Variants in AGPS observed in about 807,000 individuals in gnomAD.
AGPS encodes the protein alkyldihydroxyacetonephosphate synthase, peroxisomal.
In AGPS, 26 loss-of-function variants were observed where a neutral mutation model predicts 90.7. That is an observed-to-expected ratio of 0.29 (90% CI 0.21 to 0.40). The LOEUF (loss-of-function observed/expected upper bound fraction) is 0.40. AGPS is among the 10% of genes least tolerant of loss of function. AGPS has a pLI of 1.00. For missense variants in AGPS, 540 were observed against 816.1 expected, an observed-to-expected ratio of 0.66 and a Z score of 4.12; for synonymous variants, 294 against 285.3, an observed-to-expected ratio of 1.03 and a Z score of -0.31.
chr2:177,483,379 C>G (rs1322857828), intron 11 of AGPS, among the ~76,000 whole-genome samples: 1 of 152,190 alleles, frequency 6.6e-6, no homozygotes, highest in Non-Finnish European at 1.5e-5. Flanking sequence ...TTCCCACTTT[C>G]ATGAAGTACA....
intron 9 of AGPS, among the ~76,000 whole-genome samples, chr2:177,463,265 T>C (rs1687352125): frequency 6.6e-6 from 1 of 152,202 alleles, no homozygotes; most frequent in South Asian, 2.1e-4. Context: ...TTGGTTTACG[T>C]TTCTAAACTT....
chr2:177,432,623 G>T (rs1686276860), intron 2 of AGPS, among the ~76,000 whole-genome samples: 1 of 152,202 alleles, frequency 6.6e-6, no homozygotes, highest in South Asian at 2.1e-4. Context: ...GTGATAGAAG[G>T]TAGTTTTAAA....
intron 10 of AGPS, among the ~76,000 whole-genome samples, chr2:177,481,424 A>AT (rs1213967796): frequency 6.9e-6 from 1 of 145,270 alleles, no homozygotes; most frequent in Admixed American, 6.8e-5. Flanking sequence ...GTGTGTTTTT[A>AT]TTTTTTCTTT....
chr2:177,447,338 G>T (rs1162045757), intron 8 of AGPS, among the ~76,000 whole-genome samples: 2 of 152,066 alleles, frequency 1.3e-5, no homozygotes, highest in African/African-American at 4.8e-5. Flanking sequence ...TGTTGAGACA[G>T]TGTTAAAGAT....
At chr2:177,516,239 T>G (rs1319837859) in intron 17 of AGPS, among the ~76,000 whole-genome samples, 1 of 152,176 alleles carries the variant, frequency 6.6e-6, no homozygotes, top group African/African-American at 2.4e-5. Flanking sequence ...TTGAGTTCAT[T>G]TATTTCATTT....
At chr2:177,455,670 T>C (rs1324229265) in intron 8 of AGPS, among the ~76,000 whole-genome samples, 1 of 152,048 alleles carries the variant, frequency 6.6e-6, no homozygotes, top group Non-Finnish European at 1.5e-5. Context: ...TCAGTTTGGG[T>C]AGAGGGGGAA....
chr2:177,488,294 G>C (rs1438395485), intron 11 of AGPS, among the ~76,000 whole-genome samples: 1 of 151,170 alleles, frequency 6.6e-6, no homozygotes. Flanking sequence ...CTCACTGCAA[G>C]CTCCACCTCC....
chr2:177,402,063 T>G (rs1182914586), intron 1 of AGPS, among the ~76,000 whole-genome samples: 1 of 152,054 alleles, frequency 6.6e-6, no homozygotes, highest in Non-Finnish European at 1.5e-5. Context: ...TTCCAGTGGG[T>G]GAAATGGAAA....
intron 11 of AGPS, among the ~76,000 whole-genome samples, chr2:177,483,323 C>T (rs1295674596): frequency 1.3e-5 from 2 of 152,114 alleles, no homozygotes; most frequent in African/African-American, 4.8e-5. Flanking sequence ...TTATTCCATA[C>T]ACTCATAAAG....
intron 1 of AGPS, chr2:177,393,341 A>T (rs919387488): frequency 4.1e-6 from 4 of 985,344 alleles, no homozygotes; most frequent in Non-Finnish European, 3.6e-6. Flanking sequence ...TTTTAGTGCC[A>T]GGAATTCATT....
At chr2:177,436,556 C>T (rs1237133491) in intron 3 of AGPS, among the ~76,000 whole-genome samples, 3 of 152,158 alleles carry the variant, frequency 2.0e-5, no homozygotes, top group Admixed American at 1.3e-4. Flanking sequence ...ACTTTGCTGT[C>T]TTCCCTGTTG....
At chr2:177,426,194 G>A (rs1350665523) in intron 2 of AGPS, among the ~76,000 whole-genome samples, 1 of 152,072 alleles carries the variant, frequency 6.6e-6, no homozygotes, top group East Asian at 1.9e-4. Context: ...CTCTCTTCTT[G>A]CCTGTTGTTG....
chr2:177,498,245 A>C (rs570475445), intron 13 of AGPS, among the ~76,000 whole-genome samples: 1 of 151,826 alleles, frequency 6.6e-6, no homozygotes, highest in Non-Finnish European at 1.5e-5. Flanking sequence ...TGTTTTTTGA[A>C]GCTCCAATGA....
At chr2:177,483,953 G>T (rs1430963649) in intron 11 of AGPS, among the ~76,000 whole-genome samples, 2 of 151,018 alleles carry the variant, frequency 1.3e-5, no homozygotes, top group African/African-American at 4.9e-5. Flanking sequence ...AAAAGAACTT[G>T]CAGAGCCTTA....
intron 18 of AGPS, among the ~76,000 whole-genome samples, chr2:177,522,888 A>G (rs1489539570): frequency 1.3e-5 from 2 of 152,156 alleles, no homozygotes; most frequent in Non-Finnish European, 2.9e-5. Context: ...GGTACTATAG[A>G]TATTTTACCT....
intron 1 of AGPS, among the ~76,000 whole-genome samples, chr2:177,407,625 A>G (rs947452219): frequency 1.3e-5 from 2 of 152,008 alleles, no homozygotes; most frequent in Non-Finnish European, 2.9e-5. Flanking sequence ...CCATGACCCA[A>G]ACACTTCCCA....
chr2:177,474,545 A>C (rs1687723483), intron 10 of AGPS, among the ~76,000 whole-genome samples: 1 of 152,220 alleles, frequency 6.6e-6, no homozygotes, highest in South Asian at 2.1e-4. Flanking sequence ...TGCTGTGGGC[A>C]TGCCCAGACA....
chr2:177,420,609 TATATA>T (rs1410042402), intron 2 of AGPS, among the ~76,000 whole-genome samples: 4 of 151,618 alleles, frequency 2.6e-5, no homozygotes, highest in Admixed American at 6.6e-5. Flanking sequence ...TATAACCAAT[TATATA>T]ATATTATATA....
At chr2:177,531,382 TATA>T (rs1459893535) in intron 19 of AGPS, among the ~76,000 whole-genome samples, 1 of 152,152 alleles carries the variant, frequency 6.6e-6, no homozygotes, top group African/African-American at 2.4e-5. Flanking sequence ...AAATCTAAAA[TATA>T]ATACCACTTG....
Sources: allele counts gnomAD v4.1 joint callset (sites outside exome capture counted in the v4.1 genomes callset), GRCh38; gene constraint gnomAD v4.1.1; transcripts MANE v1.5; gene names NCBI Gene and HGNC (gene_info 2026-07-23, HGNC 2026-07-21).